KCNQ1: variants seen among roughly 807,000 people sequenced by gnomAD.
KCNQ1 encodes potassium voltage-gated channel subfamily Q member 1.
KCNQ1 carries 49 observed loss-of-function variants against 72.4 expected under a neutral mutation model. The observed-to-expected ratio is 0.68, with a 90% CI of 0.54 to 0.86. The LOEUF (loss-of-function observed/expected upper bound fraction) is 0.86. Ranked by LOEUF, KCNQ1 falls within the 40% of genes least tolerant of loss-of-function variation. The pLI is 0.00. For synonymous variants in KCNQ1, 450 were observed against 412.6 expected (o/e 1.09, Z -1.10); for missense variants, 790 against 945.1 (o/e 0.84, Z 2.15).
chr11:2,683,318 A>G lies in KCNQ1; in HGVS notation c.1514+21237A>G, dbSNP rs1054796299. 1.9e-4 allele frequency: 76 copies of G among 398,604 alleles called. No individual in the cohort carries two copies. Among genetic ancestry groups the G allele is most frequent in the African/African-American group, 1.5e-3 (72 of 48,748 alleles). 24.7% of individuals were successfully genotyped at this position (398,604 alleles called of 1,614,324 possible). A position where few individuals can be genotyped will look rare whatever the true frequency, so the allele number is the denominator to read the frequency against. The stretch of plus-strand genomic sequence containing the variant: ...TTGCAAAACCAGACACATAGAGGCC[A>G]GGTTTCCCCCGCTCAACACTAGGCC... On this transcript the variant is annotated intron_variant, in intron 11 of 15. Transcript: ENST00000155840. The surrounding 1 kb of genome is among the most constrained non-coding windows in gnomAD (Gnocchi z 4.7).
Position 2,830,424 on chromosome 11 carries a change from C to T in KCNQ1, c.1795-17343C>T, listed in dbSNP as rs1847924004. Among the ~76,000 whole-genome samples the T allele has an allele frequency of 6.6e-6, 1 of 152,086 alleles. No homozygotes were observed. Among genetic ancestry groups the T allele is most frequent in the South Asian group, 2.1e-4 (1 of 4,826 alleles). On this transcript the variant is annotated intron_variant, in intron 15 of 15. Coordinates refer to ENST00000155840, the MANE Select transcript of KCNQ1 (RefSeq NM_000218.3). The surrounding 1 kb of genome is among the most constrained non-coding windows in gnomAD (Gnocchi z 7.7). ...CCCGGGATCTAAGTCCCTGTTAAGT[C>T]CCCTGTTAAAGGACCTAGGTCCTCC...
chr11:2,609,912 G>A (rs1300124177), intron 10 of KCNQ1: 2 of 397,888 alleles, frequency 5.0e-6, no homozygotes, highest in African/African-American at 2.1e-5. Flanking sequence ...ATCATCTAAA[G>A]TGTGCCTCAT....
Position 2,526,375 on chromosome 11 carries a change from TG to T in KCNQ1, c.387-1551del, listed in dbSNP as rs966022550. The stretch of plus-strand genomic sequence containing the variant: ...AGGGACAGGGTGTCGGTGAGGCAGG[TG>T]GCTGAGGAAATGGTAGCTGCAGGTT... On this transcript the variant is annotated intron_variant, in intron 1 of 15. Transcript: ENST00000155840. This position sits in a 1 kb window ranked among gnomAD's most constrained non-coding sequence, Gnocchi z 6.1. Among the ~76,000 whole-genome samples, 6 of 151,836 alleles carry T rather than the reference TG, an allele frequency of 4.0e-5. No homozygotes were observed. Among genetic ancestry groups the T allele is most frequent in the South Asian group, 2.1e-4 (1 of 4,800 alleles).
intron 2 of KCNQ1, among the ~76,000 whole-genome samples, chr11:2,548,312 A>C (rs1259995541): frequency 6.6e-6 from 1 of 152,144 alleles, no homozygotes; most frequent in East Asian, 1.9e-4. Context: ...CTTCCCTTGG[A>C]TTTTGTTTCT....
Position 2,748,310 on chromosome 11 carries a change from G to C in KCNQ1, c.1515-20534G>C, listed in dbSNP as rs1189112552. Among the ~76,000 whole-genome samples the C allele has an allele frequency of 6.6e-6, 1 of 152,174 alleles. No individual in the cohort carries two copies. Among genetic ancestry groups the C allele is most frequent in the Admixed American group, 6.5e-5 (1 of 15,290 alleles). ...ACCCCCTAGCTCACCCTGGGTCCAC[G>C]CAGGGCCTGCTCCCAGAGTGAATCC... On this transcript the variant is annotated intron_variant, in intron 11 of 15. Coordinates refer to ENST00000155840, the MANE Select transcript of KCNQ1 (RefSeq NM_000218.3). The surrounding 1 kb of genome is among the most constrained non-coding windows in gnomAD (Gnocchi z 6.2).
intron 15 of KCNQ1, among the ~76,000 whole-genome samples, chr11:2,821,369 CGCCAGCCACACACACT>C (rs1430655078): frequency 2.0e-5 from 3 of 152,208 alleles, no homozygotes; most frequent in Non-Finnish European, 4.4e-5. Flanking sequence ...CATGGGGTCA[CGCCAGCCACACACACT>C]TTCTCGAGAA....
chr11:2,607,293 G>A (rs1016359961), intron 10 of KCNQ1, among the ~76,000 whole-genome samples: 4 of 152,092 alleles, frequency 2.6e-5, no homozygotes, highest in African/African-American at 4.8e-5. Context: ...TCCCATCATG[G>A]AAGGGTGTTG....
rs1851023065 is a variant in KCNQ1 at position 2,712,525 on chromosome 11, A to G, written c.1514+50444A>G. 1.3e-5 allele frequency among the ~76,000 whole-genome samples: 2 copies of G among 151,206 alleles called. No homozygotes were observed. The highest frequency in any genetic ancestry group is 4.2e-4 in the South Asian group (2 of 4,748). On this transcript the variant is annotated intron_variant, in intron 11 of 15. Coordinates refer to ENST00000155840, the MANE Select transcript of KCNQ1 (RefSeq NM_000218.3). This position sits in a 1 kb window ranked among gnomAD's most constrained non-coding sequence, Gnocchi z 6.4. ...ATCTCGCCCACATATTCCCGAAGCC[A>G]CCAGGCCAGACACCGCCCCAGCTGA...
In KCNQ1 at chr11:2,752,540, G is replaced by A. The variant is rs529490628; in HGVS notation, c.1515-16304G>A. ...GAAGCACAGGGTCAGGGCGCCAGCAGATCTGGTGTCTGGTAAGGGGTCTGT... is the reference window on the plus strand; with the variant it reads ...GAAGCACAGGGTCAGGGCGCCAGCAAATCTGGTGTCTGGTAAGGGGTCTGT... On this transcript the variant is annotated intron_variant, in intron 11 of 15. Coordinates refer to ENST00000155840, the MANE Select transcript of KCNQ1 (RefSeq NM_000218.3). The surrounding 1 kb of genome is among the most constrained non-coding windows in gnomAD (Gnocchi z 5.2). 1.5e-3 allele frequency among the ~76,000 whole-genome samples: 231 copies of A among 152,294 alleles called. No individual in the cohort carries two copies. The highest frequency in any genetic ancestry group is 2.6e-3 in the Non-Finnish European group (176 of 68,022).
rs908911960 is a variant in KCNQ1, at chr11:2,734,486, G to A, written c.1515-34358G>A. Among the ~76,000 whole-genome samples, 1 of 152,204 alleles carries A rather than the reference G, an allele frequency of 6.6e-6. No homozygotes were observed. The highest frequency in any genetic ancestry group is 1.5e-5 in the Non-Finnish European group (1 of 68,030). ...AGGCAGGACGGGATCCTTGGTGATG[G>A]GCAGAATGTGGGGAGCAGGGTAGGA... On this transcript the variant is annotated intron_variant, in intron 11 of 15. Transcript: ENST00000155840. This position sits in a 1 kb window ranked among gnomAD's most constrained non-coding sequence, Gnocchi z 7.0.
chr11:2,576,134 G>T (rs1848420008), intron 6 of KCNQ1, among the ~76,000 whole-genome samples: 1 of 152,228 alleles, frequency 6.6e-6, no homozygotes, highest in African/African-American at 2.4e-5. Flanking sequence ...CATTCTGTGG[G>T]TCCAGGTGAA....
At position 2,624,000 on chromosome 11, in the gene KCNQ1, G is replaced by A. The variant is rs140622592; in HGVS notation, c.1393+35146G>A. On this transcript the variant is annotated intron_variant, in intron 10 of 15. Transcript: ENST00000155840. This position sits in a 1 kb window ranked among gnomAD's most constrained non-coding sequence, Gnocchi z 5.2. ...CTTTACATTCCCATTAATGGTATATGTCAAAGTGGCTGTACCATTTTGCAT... is the reference window on the plus strand; with the variant it reads ...CTTTACATTCCCATTAATGGTATATATCAAAGTGGCTGTACCATTTTGCAT... 7.5e-6 allele frequency: 3 copies of A among 399,042 alleles called. No homozygotes were observed. Among genetic ancestry groups the A allele is most frequent in the African/African-American group, 2.1e-5 (1 of 48,736 alleles). 24.7% of individuals were successfully genotyped at this position (399,042 alleles called of 1,614,324 possible). A position where few individuals can be genotyped will look rare whatever the true frequency, so the allele number is the denominator to read the frequency against.
chr11:2,830,520 C>T lies in KCNQ1; in HGVS notation c.1795-17247C>T, dbSNP rs528091611. Reference sequence around the variant, plus strand: ...CACCCCAGTCCCAGTGTCCCAAGAACCTCTTCCTCCAGCCCCGGGAGCAGG... The same window carrying T: ...CACCCCAGTCCCAGTGTCCCAAGAATCTCTTCCTCCAGCCCCGGGAGCAGG... On this transcript the variant is annotated intron_variant, in intron 15 of 15. Transcript: ENST00000155840. This position sits in a 1 kb window ranked among gnomAD's most constrained non-coding sequence, Gnocchi z 7.7. Among the ~76,000 whole-genome samples the T allele has an allele frequency of 1.3e-5, 2 of 152,268 alleles. No individual in the cohort carries two copies. Among genetic ancestry groups the T allele is most frequent in the South Asian group, 4.1e-4 (2 of 4,822 alleles).
chr11:2,535,635 TG>T (rs1312435282), intron 2 of KCNQ1, among the ~76,000 whole-genome samples: 1 of 152,206 alleles, frequency 6.6e-6, no homozygotes, highest in Non-Finnish European at 1.5e-5. Flanking sequence ...CAGAGCCCTG[TG>T]GCGTCTCTCT....
At position 2,664,152 on chromosome 11, in the gene KCNQ1, G is replaced by C. The variant is rs1407993459; in HGVS notation, c.1514+2071G>C. 5.0e-6 allele frequency: 2 copies of C among 398,592 alleles called. No homozygotes were observed. The highest frequency in any genetic ancestry group is 8.8e-6 in the Non-Finnish European group (2 of 226,166). The allele number at this position is 398,592 out of a possible 1,614,324, so 24.7% of individuals were successfully genotyped here. A position where few individuals can be genotyped will look rare whatever the true frequency, so the allele number is the denominator to read the frequency against. On this transcript the variant is annotated intron_variant, in intron 11 of 15. Coordinates refer to ENST00000155840, the MANE Select transcript of KCNQ1 (RefSeq NM_000218.3). This position sits in a 1 kb window ranked among gnomAD's most constrained non-coding sequence, Gnocchi z 5.1. ...ACTTACCAAGGCCTCTCTCAGAGCA[G>C]GCTGTTCCAAAAGTGGCTGCTAGAT...
chr11:2,846,637 T>C (rs908417587), intron 15 of KCNQ1, among the ~76,000 whole-genome samples: 13 of 152,216 alleles, frequency 8.5e-5, no homozygotes, highest in Non-Finnish European at 1.5e-5. Flanking sequence ...ACCCAGCACC[T>C]GCTCTGAGGG....
intron 10 of KCNQ1, chr11:2,648,981 C>CTTTTTTCTTTTT (rs1849710956): frequency 3.3e-5 from 7 of 213,286 alleles, no homozygotes; most frequent in African/African-American, 4.4e-5. Flanking sequence ...TTTTCTTTTT[C>CTTTTTTCTTTTT]TTTTTTTTTT....
In KCNQ1 at chr11:2,651,383, C is replaced by T. The variant is rs1025825418; in HGVS notation, c.1394-10578C>T. On this transcript the variant is annotated intron_variant, in intron 10 of 15. Transcript: ENST00000155840. This position sits in a 1 kb window ranked among gnomAD's most constrained non-coding sequence, Gnocchi z 6.1. Reference sequence around the variant, plus strand: ...TATCTTTCACTAGTGAGTGCTGCCCCGGTGGTGGCTCACTTTCCATTCCTT... The same window carrying T: ...TATCTTTCACTAGTGAGTGCTGCCCTGGTGGTGGCTCACTTTCCATTCCTT... 6.5e-5 allele frequency: 26 copies of T among 398,590 alleles called. No individual in the cohort carries two copies. Among genetic ancestry groups the T allele is most frequent in the Admixed American group, 2.2e-4 (5 of 22,726 alleles). 24.7% of individuals were successfully genotyped at this position (398,590 alleles called of 1,614,324 possible). A position where few individuals can be genotyped will look rare whatever the true frequency, so the allele number is the denominator to read the frequency against.
intron 11 of KCNQ1, chr11:2,667,069 C>G: frequency 2.5e-6 from 1 of 398,604 alleles, no homozygotes; most frequent in South Asian, 1.3e-4. Context: ...CTGAAATGCA[C>G]GGGGGGATTA....
Sources: gnomAD v4.1 joint callset for allele counts (sites outside exome capture counted in the v4.1 genomes callset) on GRCh38, gnomAD v4.1.1 for gene constraint, Gnocchi (gnomAD v3.1) non-coding constraint, MANE v1.5 for transcripts, NCBI Gene and HGNC (gene_info 2026-07-23, HGNC 2026-07-21) for gene names.